SERGEF: variants seen among roughly 807,000 people sequenced by gnomAD.
SERGEF encodes the protein secretion regulating guanine nucleotide exchange factor, also known as secretion-regulating guanine nucleotide exchange factor.
SERGEF carries 51 observed loss-of-function variants against 50.0 expected under a neutral mutation model. The ratio of observed to expected loss-of-function variants is 1.02; its 90% CI spans 0.81 to 1.29. The LOEUF (loss-of-function observed/expected upper bound fraction) is 1.29. Among genes scored for constraint, SERGEF ranks in the 50% most tolerant of loss-of-function variants. SERGEF has a pLI of 0.00. For synonymous variants in SERGEF, 205 were observed against 212.4 expected, an observed-to-expected ratio of 0.97 and a Z score of 0.30; for missense variants, 521 against 557.0, an observed-to-expected ratio of 0.94 and a Z score of 0.65.
chr11:17,990,237 G>T (rs184030738), intron 7 of SERGEF, among the ~76,000 whole-genome samples: 4 of 152,174 alleles, frequency 2.6e-5, no homozygotes, highest in Non-Finnish European at 5.9e-5. Flanking sequence ...TCTGTTACCC[G>T]ATCACTGTTT....
Position 17,884,625 on chromosome 11 carries a change from G to C in SERGEF, c.1012-6381C>G, listed in dbSNP as rs1030234467. On this transcript the variant is annotated intron_variant, in intron 9 of 10. Transcript: ENST00000265965. This position sits in a 1 kb window ranked among gnomAD's most constrained non-coding sequence, Gnocchi z 4.6. ...TGGGGAAGGCCATGGCGACACCAGA[G>C]AGGCAGCACGGCTGTTTGCTTCTGG... is the stretch of plus-strand genomic sequence containing the variant. 6.6e-6 allele frequency among the ~76,000 whole-genome samples: 1 copy of C among 152,228 alleles called. No individual in the cohort carries two copies. The highest frequency in any genetic ancestry group is 1.5e-5 in the Non-Finnish European group (1 of 68,050).
At chr11:17,911,938 TA>T (rs910852400) in intron 9 of SERGEF, among the ~76,000 whole-genome samples, 31 of 152,198 alleles carry the variant, frequency 2.0e-4, no homozygotes, top group Admixed American at 1.8e-3. Context: ...GTTTGGAGTT[TA>T]AAAAAATGAC....
chr11:17,862,974 T>G (rs146403374), intron 10 of SERGEF, among the ~76,000 whole-genome samples: 1 of 152,348 alleles, frequency 6.6e-6, no homozygotes, highest in Non-Finnish European at 1.5e-5. Flanking sequence ...CAAAGCCACA[T>G]GCATATTAAA....
intron 10 of SERGEF, among the ~76,000 whole-genome samples, chr11:17,833,425 T>C (rs1850347151): frequency 1.3e-5 from 2 of 152,272 alleles, no homozygotes; most frequent in Middle Eastern, 6.8e-3. Context: ...GGGGTCCTCA[T>C]AGAGCACCTC....
chr11:17,902,026 A>C (rs1278442331), intron 9 of SERGEF, among the ~76,000 whole-genome samples: 1 of 152,246 alleles, frequency 6.6e-6, no homozygotes, highest in East Asian at 1.9e-4. Flanking sequence ...TAGTTACCAA[A>C]TCCAAAACTC....
In SERGEF at chr11:17,901,134, C is replaced by A. The variant is rs185094288; in HGVS notation, c.1012-22890G>T. 6.3e-3 allele frequency among the ~76,000 whole-genome samples: 962 copies of A among 152,236 alleles called. 6 individuals carry two copies. The highest frequency in any genetic ancestry group is 0.011 in the Non-Finnish European group (718 of 68,014). On this transcript the variant is annotated intron_variant, in intron 9 of 10. Coordinates refer to ENST00000265965, the MANE Select transcript of SERGEF (RefSeq NM_012139.4). The stretch of plus-strand genomic sequence containing the variant: ...ACCTCAGAATCACCTCCTCCTCCCA[C>A]TCCCCAAGTGTGGCCAACCACCAAA...
chr11:17,963,499 C>T (rs1279200409), intron 8 of SERGEF, among the ~76,000 whole-genome samples: 3 of 151,598 alleles, frequency 2.0e-5, no homozygotes, highest in Admixed American at 6.6e-5. Context: ...GCAATTCTCC[C>T]GCCTCAGCCT....
At chr11:17,840,411 C>A (rs780380160) in intron 10 of SERGEF, among the ~76,000 whole-genome samples, 14 of 152,168 alleles carry the variant, frequency 9.2e-5, no homozygotes, top group Non-Finnish European at 1.8e-4. Context: ...TGAGTCACAC[C>A]TCTGCCCACC....
chr11:17,932,293 C>T (rs1207520880), intron 9 of SERGEF, among the ~76,000 whole-genome samples: 1 of 152,166 alleles, frequency 6.6e-6, no homozygotes, highest in Non-Finnish European at 1.5e-5. Context: ...CAAATATAGG[C>T]CTTTTCTTCA....
At chr11:17,955,767 A>G (rs1241919922) in intron 9 of SERGEF, among the ~76,000 whole-genome samples, 2 of 152,234 alleles carry the variant, frequency 1.3e-5, no homozygotes, top group African/African-American at 2.4e-5. Context: ...CTTGGGGACA[A>G]GAAACAAGGG....
At chr11:17,910,752 A>C (rs539520452) in intron 9 of SERGEF, among the ~76,000 whole-genome samples, 15 of 152,164 alleles carry the variant, frequency 9.9e-5, no homozygotes, top group African/African-American at 3.6e-4. Context: ...AAGATGTCCA[A>C]TGTAGATGAA....
At chr11:17,989,648 C>T (rs1339649706) in intron 7 of SERGEF, among the ~76,000 whole-genome samples, 1 of 152,198 alleles carries the variant, frequency 6.6e-6, no homozygotes, top group Non-Finnish European at 1.5e-5. Flanking sequence ...CAATTTGTGA[C>T]TCCTCAGCTT....
chr11:17,790,620 G>A (rs1849469755), intron 10 of SERGEF, among the ~76,000 whole-genome samples: 1 of 152,138 alleles, frequency 6.6e-6, no homozygotes, highest in Non-Finnish European at 1.5e-5. Context: ...GAAAGTCTTT[G>A]AACATATCTC....
chr11:17,910,667 T>A (rs938702740), intron 9 of SERGEF, among the ~76,000 whole-genome samples: 2 of 151,986 alleles, frequency 1.3e-5, no homozygotes, highest in Non-Finnish European at 2.9e-5. Flanking sequence ...CTACTTTTAC[T>A]GAAAACCAAC....
At chr11:17,920,843 G>C (rs1852141945) in intron 9 of SERGEF, among the ~76,000 whole-genome samples, 1 of 152,184 alleles carries the variant, frequency 6.6e-6, no homozygotes, top group South Asian at 2.1e-4. Context: ...GAGAACGAAT[G>C]GTTTCATTTT....
Position 17,788,157 on chromosome 11 carries a change from T to C in SERGEF, c.1305A>G (p.Arg435=), listed in dbSNP as rs759292949. The C allele has an allele frequency of 3.1e-6, 5 of 1,587,340 alleles. No homozygotes were observed. The African/African-American group carries it at 6.7e-5, about 21-fold the overall frequency. ...TTTCTGATTGTCTTTCCTTCCAGTTTCTCTCTTTGTCCATGGCTTTCTGAG... is the reference window on the plus strand; with the variant it reads ...TTTCTGATTGTCTTTCCTTCCAGTTCCTCTCTTTGTCCATGGCTTTCTGAG... ...TESQKAMDKE[R]NWKERQSETS... Residue 435 remains arginine, a synonymous_variant, in exon 11 of 11, where the codon AGA becomes AGG. Coordinates refer to ENST00000265965, the MANE Select transcript of SERGEF (RefSeq NM_012139.4).
At chr11:17,959,739 C>T (rs915891821) in intron 8 of SERGEF, 103 bp from the exon 9 acceptor site, 2 of 1,008,400 alleles carry the variant, frequency 2.0e-6, no homozygotes, top group Admixed American at 2.5e-5. Context: ...TTTAGTACCA[C>T]CTACCAGGAG....
intron 9 of SERGEF, among the ~76,000 whole-genome samples, chr11:17,948,071 C>A (rs1852701189): frequency 6.6e-6 from 1 of 151,468 alleles, no homozygotes; most frequent in Admixed American, 6.6e-5. Flanking sequence ...GAGGCTAGGA[C>A]TACAGGTACA....
In SERGEF at chr11:17,971,137, T is replaced by C. The variant is rs1853241092; in HGVS notation, c.845-11501A>G. Among the ~76,000 whole-genome samples, 3 of 151,792 alleles carry C rather than the reference T, an allele frequency of 2.0e-5. No homozygotes were observed. The South Asian group carries it at 6.3e-4, about 32-fold the overall frequency. The stretch of plus-strand genomic sequence containing the variant: ...TGAACCCAGGAGGTGGAGGTTGCAG[T>C]AAGCCAAGATCACACCACTGCACTC... On this transcript the variant is annotated intron_variant, in intron 8 of 10. Transcript: ENST00000265965.
Sources: gnomAD v4.1 joint callset for allele counts (sites outside exome capture counted in the v4.1 genomes callset) on GRCh38, gnomAD v4.1.1 for gene constraint, Gnocchi (gnomAD v3.1) non-coding constraint, MANE v1.5 for transcripts, NCBI Gene and HGNC (gene_info 2026-07-23, HGNC 2026-07-21) for gene names.